CPPED1: variants seen among roughly 807,000 people sequenced by gnomAD.
CPPED1 encodes the protein calcineurin like phosphoesterase domain containing 1, also known as serine/threonine-protein phosphatase CPPED1.
A neutral mutation model predicts 28.0 loss-of-function variants in CPPED1; 28 were observed. That is an observed-to-expected ratio of 1.00 (90% CI 0.74 to 1.37). The LOEUF is 1.37. CPPED1 is among the 40% of genes most tolerant of loss of function. The probability of loss-of-function intolerance (pLI) is 0.00; values close to 1 mark genes in which losing one functional copy is unlikely to be tolerated. For synonymous variants in CPPED1, 198 were observed against 180.2 expected (o/e 1.10, Z -0.79); for missense variants, 504 against 416.5 (o/e 1.21, Z -1.83).
rs997383381 is a variant in CPPED1 at position 12,670,510 on chromosome 16, T to TA, written c.716-5396dup. Among the ~76,000 whole-genome samples, 37 of 145,304 alleles carry TA rather than the reference T, an allele frequency of 2.5e-4. No homozygotes were observed. Among genetic ancestry groups the TA allele is most frequent in the East Asian group, 6.0e-4 (3 of 5,006 alleles). On this transcript the variant is annotated intron_variant, in intron 3 of 3. Transcript: ENST00000381774. The surrounding 1 kb of genome is among the most constrained non-coding windows in gnomAD (Gnocchi z 4.2). Reference sequence around the variant, plus strand: ...AAAGAGTATAGTTTAAAGAGAAGGTTAAAAAAAAAAAGAATGTATTTACAG... The same window carrying TA: ...AAAGAGTATAGTTTAAAGAGAAGGTTAAAAAAAAAAAAGAATGTATTTACAG...
chr16:12,767,761 C>A (rs1352028168), intron 2 of CPPED1, among the ~76,000 whole-genome samples: 1 of 152,118 alleles, frequency 6.6e-6, no homozygotes, highest in Non-Finnish European at 1.5e-5. Flanking sequence ...AGTTTGAGAC[C>A]AGCCTGGCCA....
chr16:12,784,641 A>C (rs549658155), intron 1 of CPPED1, among the ~76,000 whole-genome samples: 1 of 152,012 alleles, frequency 6.6e-6, no homozygotes, highest in Non-Finnish European at 1.5e-5. Flanking sequence ...TTTTACACCA[A>C]TGAATGCTTC....
At chr16:12,776,038 T>C (rs1466185308) in intron 2 of CPPED1, among the ~76,000 whole-genome samples, 1 of 152,204 alleles carries the variant, frequency 6.6e-6, no homozygotes, top group Non-Finnish European at 1.5e-5. Flanking sequence ...AATCTGCAGA[T>C]GGGATTATGT....
chr16:12,693,144 C>T (rs578021349), intron 3 of CPPED1, among the ~76,000 whole-genome samples: 2 of 152,270 alleles, frequency 1.3e-5, no homozygotes, highest in South Asian at 4.1e-4. Context: ...GAGAAGGCAC[C>T]TTTAAGGTCC....
intron 3 of CPPED1, among the ~76,000 whole-genome samples, chr16:12,676,774 A>T (rs958139855): frequency 6.6e-6 from 1 of 152,148 alleles, no homozygotes; most frequent in African/African-American, 2.4e-5. Flanking sequence ...TAATGATGAT[A>T]ATAATATTTA....
chr16:12,803,742 C>T lies in CPPED1; in HGVS notation c.35G>A (p.Arg12Lys). ...SAAEAGGVFH[R>K]ARGRTLAAFP... ...CGCGGCCAGGGTCCTGCCCCTGGCT[C>T]TGTGGAAAACACCCCCCGCCTCTGC... The change falls in exon 1 of 4, where the codon AGA becomes AAA. Residue 12 changes from arginine (R) to lysine (K), a missense_variant. Coordinates refer to ENST00000381774, the MANE Select transcript of CPPED1 (RefSeq NM_018340.3). The T allele has an allele frequency of 6.3e-7, 1 of 1,595,566 alleles. No individual in the cohort carries two copies.
intron 3 of CPPED1, among the ~76,000 whole-genome samples, chr16:12,695,732 C>T (rs1036595761): frequency 6.6e-6 from 1 of 152,184 alleles, no homozygotes; most frequent in African/African-American, 2.4e-5. Context: ...TGAGTTGTAA[C>T]CCATCTGGCT....
intron 2 of CPPED1, among the ~76,000 whole-genome samples, chr16:12,762,596 A>G (rs1384193159): frequency 1.3e-5 from 2 of 152,236 alleles, no homozygotes; most frequent in Non-Finnish European, 2.9e-5. Context: ...GGCGCCGCAT[A>G]CTGTATATTT....
chr16:12,755,187 G>C (rs1335229241), intron 2 of CPPED1, among the ~76,000 whole-genome samples: 11 of 151,902 alleles, frequency 7.2e-5, no homozygotes, highest in African/African-American at 2.7e-4. Flanking sequence ...CATTGGAATT[G>C]CATCATTTTT....
chr16:12,790,871 G>T (rs1166692656), intron 1 of CPPED1, among the ~76,000 whole-genome samples: 2 of 131,680 alleles, frequency 1.5e-5, no homozygotes, highest in African/African-American at 5.8e-5. Context: ...GGAGGCTGCA[G>T]ATCACACCAC....
intron 2 of CPPED1, among the ~76,000 whole-genome samples, chr16:12,773,747 C>T (rs1375476711): frequency 2.0e-5 from 3 of 152,104 alleles, no homozygotes; most frequent in African/African-American, 7.2e-5. Context: ...CATAAAAATA[C>T]ACAAATAAAT....
rs190561053 is a variant in CPPED1 at position 12,715,590 on chromosome 16, G to A, written c.290-10541C>T. On this transcript the variant is annotated intron_variant, in intron 2 of 3. Coordinates refer to ENST00000381774, the MANE Select transcript of CPPED1 (RefSeq NM_018340.3). Reference sequence around the variant, plus strand: ...CAGGAAAATTGCTTGAACTGGGGAGGTGGAGGTTGCAGTGAGCTAAGATCA... The same window carrying A: ...CAGGAAAATTGCTTGAACTGGGGAGATGGAGGTTGCAGTGAGCTAAGATCA... Among the ~76,000 whole-genome samples the A allele has an allele frequency of 3.8e-3, 575 of 152,268 alleles. 2 individuals carry two copies. The highest frequency in any genetic ancestry group is 0.013 in the African/African-American group (534 of 41,530).
chr16:12,779,669 G>A (rs997765713), intron 2 of CPPED1, among the ~76,000 whole-genome samples: 2 of 151,964 alleles, frequency 1.3e-5, no homozygotes, highest in East Asian at 3.9e-4. Context: ...AAGCCACCGC[G>A]CCCGGCCATT....
chr16:12,698,682 C>T (rs1425068933), intron 3 of CPPED1, among the ~76,000 whole-genome samples: 6 of 152,166 alleles, frequency 3.9e-5, no homozygotes, highest in East Asian at 1.9e-4. Context: ...CCACCCACCT[C>T]GGCCTCCCAA....
intron 2 of CPPED1, among the ~76,000 whole-genome samples, chr16:12,776,822 G>A (rs546183828): frequency 6.6e-6 from 1 of 152,128 alleles, no homozygotes; most frequent in African/African-American, 2.4e-5. Flanking sequence ...AGGAAGCTGA[G>A]GCAGGAGAAT....
intron 2 of CPPED1, among the ~76,000 whole-genome samples, chr16:12,716,876 T>C (rs566214291): frequency 5.9e-5 from 9 of 152,264 alleles, no homozygotes; most frequent in Middle Eastern, 3.4e-3. Context: ...GCAATGACCT[T>C]GTGGTGTTGC....
intron 1 of CPPED1, among the ~76,000 whole-genome samples, chr16:12,793,641 G>C (rs1596487914): frequency 6.6e-6 from 1 of 152,188 alleles, no homozygotes; most frequent in Non-Finnish European, 1.5e-5. Context: ...ACTAGACACA[G>C]AGCAAGTGGT....
intron 2 of CPPED1, among the ~76,000 whole-genome samples, chr16:12,721,230 C>T (rs753522241): frequency 1.3e-5 from 2 of 152,036 alleles, no homozygotes; most frequent in African/African-American, 2.4e-5. Context: ...GCAGATACCA[C>T]GGAAACTTAG....
intron 1 of CPPED1, among the ~76,000 whole-genome samples, chr16:12,787,218 G>C (rs920201959): frequency 2.6e-5 from 4 of 152,032 alleles, no homozygotes; most frequent in African/African-American, 7.3e-5. Context: ...AAAAAGAATT[G>C]ATTAAGATCT....
Sources: allele counts gnomAD v4.1 joint callset (sites outside exome capture counted in the v4.1 genomes callset), GRCh38; gene constraint gnomAD v4.1.1; non-coding constraint Gnocchi (gnomAD v3.1); transcripts MANE v1.5; gene names NCBI Gene and HGNC (gene_info 2026-07-23, HGNC 2026-07-21).